BFAR: variants seen among roughly 807,000 people sequenced by gnomAD.
The protein encoded by BFAR is RING finger protein 47.
A neutral mutation model predicts 54.4 loss-of-function variants in BFAR; 52 were observed. The ratio of observed to expected loss-of-function variants is 0.96; its 90% CI spans 0.77 to 1.21. The LOEUF (loss-of-function observed/expected upper bound fraction) is 1.21. BFAR is among the 50% of genes most tolerant of loss of function. The pLI is 0.00. For synonymous variants in BFAR, 215 were observed against 204.3 expected (o/e 1.05, Z -0.45); for missense variants, 571 against 534.0 (o/e 1.07, Z -0.68).
intron 5 of BFAR, among the ~76,000 whole-genome samples, chr16:14,658,792 ACTT>A (rs936716869): frequency 1.4e-4 from 22 of 151,962 alleles, no homozygotes; most frequent in Non-Finnish European, 2.1e-4. Flanking sequence ...TGCCTAAGTA[ACTT>A]CTTCTTCACT....
intron 1 of BFAR, among the ~76,000 whole-genome samples, chr16:14,635,891 A>C (rs1456872577): frequency 1.3e-5 from 2 of 152,016 alleles, no homozygotes; most frequent in Non-Finnish European, 2.9e-5. Flanking sequence ...CGGCCTCCCA[A>C]AGTGGTGGGA....
intron 4 of BFAR, among the ~76,000 whole-genome samples, chr16:14,654,104 C>T (rs569572723): frequency 4.7e-5 from 7 of 148,462 alleles, no homozygotes; most frequent in East Asian, 2.0e-4. Context: ...CTCCGCCTTC[C>T]GGGTTCACGC....
In BFAR at chr16:14,649,841, C is replaced by A; in HGVS notation, c.506C>A (p.Ser169Tyr). The A allele has an allele frequency of 6.2e-7, 1 of 1,610,844 alleles. No individual in the cohort carries two copies. Among genetic ancestry groups the A allele is most frequent in the Non-Finnish European group, 8.5e-7 (1 of 1,178,198 alleles). The change falls in exon 4 of 8, where the codon TCT becomes TAT. Residue 169 changes from serine to tyrosine, a missense_variant. Transcript: ENST00000261658. ...LLVYHWSSRE[S>Y]EHDLLVHKAV... ...GTCTATCACTGGAGCAGCAGGGAAT[C>A]TGAACACGACCTCCTGGTCCACAAG... is the stretch of plus-strand genomic sequence containing the variant.
intron 1 of BFAR, among the ~76,000 whole-genome samples, chr16:14,633,861 C>T (rs996739699): frequency 6.6e-6 from 1 of 152,150 alleles, no homozygotes; most frequent in Non-Finnish European, 1.5e-5. Flanking sequence ...CCATGTTGGT[C>T]AGACTGTTCT....
In BFAR at chr16:14,649,976, G is replaced by A. The variant is rs1003028730; in HGVS notation, c.638+3G>A. On this transcript the variant is annotated splice_donor_region_variant and intron_variant, in intron 4 of 7. Coordinates refer to ENST00000261658, the MANE Select transcript of BFAR (RefSeq NM_016561.3). ...TTATCTGAACGAGTAAATGGAAGGT[G>A]AGGAGCAAAGTCTTCTGACACACCG... The A allele has an allele frequency of 6.2e-7, 1 of 1,604,024 alleles. No homozygotes were observed. The highest frequency in any genetic ancestry group is 8.5e-7 in the Non-Finnish European group (1 of 1,173,882).
At chr16:14,648,350 A>G (rs1280179945) in intron 2 of BFAR, 38 bp from the exon 3 acceptor site, 1 of 1,537,570 alleles carries the variant, frequency 6.5e-7, no homozygotes, top group Non-Finnish European at 9.0e-7. Flanking sequence ...ATATTTAGTC[A>G]AACAACTGTC....
intron 2 of BFAR, among the ~76,000 whole-genome samples, chr16:14,648,084 A>G (rs1286230613): frequency 6.6e-6 from 1 of 152,066 alleles, no homozygotes; most frequent in Admixed American, 6.6e-5. Flanking sequence ...TACTAAAAAT[A>G]CAAAAAAAAA....
At position 14,667,783 on chromosome 16, in the gene BFAR, CT is replaced by C; in HGVS notation, c.1311del (p.Val438TrpfsTer20). The part of the protein sequence containing the change: ...LYFNPIINID[L>X]VVKELRRLET... ...CTTTAACCCAATTATTAACATTGATCTTGTGGTCAAGGAACTCCGGCGGCTG... is the reference window on the plus strand; with the variant it reads ...CTTTAACCCAATTATTAACATTGATCTGTGGTCAAGGAACTCCGGCGGCTG... On this transcript the variant is annotated frameshift_variant, in exon 8 of 8. Coordinates refer to ENST00000261658, the MANE Select transcript of BFAR (RefSeq NM_016561.3). LOFTEE classifies it high-confidence loss of function. 1 of 1,614,144 alleles carries C rather than the reference CT, an allele frequency of 6.2e-7. No homozygotes were observed. The highest frequency in any genetic ancestry group is 8.5e-7 in the Non-Finnish European group (1 of 1,180,036).
Position 14,655,074 on chromosome 16 carries a change from T to C in BFAR, c.647T>C (p.Leu216Ser). 1 of 1,605,568 alleles carries C rather than the reference T, an allele frequency of 6.2e-7. No individual in the cohort carries two copies. The highest frequency in any genetic ancestry group is 1.1e-5 in the South Asian group (1 of 89,180). The change falls in exon 5 of 8, where the codon TTA becomes TCA. Residue 216 changes from leucine to serine, a missense_variant. Leu to Ser is a moderately radical substitution (Grantham distance 145). Transcript: ENST00000261658. The part of the protein sequence containing the change: ...LSERVNGRLL[L>S]TLTEEEFSKT... ...CTCCTGCCCCTCTACAGGTTGCTTT[T>C]AACTTTGACAGAGGAAGAATTTTCC...
intron 1 of BFAR, among the ~76,000 whole-genome samples, chr16:14,637,683 G>A (rs1291060272): frequency 6.6e-6 from 1 of 152,082 alleles, no homozygotes; most frequent in Non-Finnish European, 1.5e-5. Flanking sequence ...GAAAAATTTA[G>A]CCAGGCATGG....
rs529703465 is a variant in BFAR, at chr16:14,661,548, A to G, written c.784-344A>G. 3.9e-5 allele frequency among the ~76,000 whole-genome samples: 6 copies of G among 151,908 alleles called. 1 individual carries two copies. In the South Asian group the frequency reaches 1.2e-3, roughly 32 times the overall value. On this transcript the variant is annotated intron_variant, in intron 5 of 7. Transcript: ENST00000261658. ...TCCTGAGTAGCTGGGACTACAGGGC[A>G]TGAGCCACCATGCCCAGCTAATTTT... is the stretch of plus-strand genomic sequence containing the variant.
intron 5 of BFAR, among the ~76,000 whole-genome samples, chr16:14,660,332 G>A (rs1485107834): frequency 2.6e-5 from 4 of 151,926 alleles, no homozygotes; most frequent in South Asian, 2.1e-4. Flanking sequence ...TGTTGCCCAC[G>A]CTGGATTTCA....
At chr16:14,636,485 C>T (rs985744217) in intron 1 of BFAR, among the ~76,000 whole-genome samples, 3 of 152,256 alleles carry the variant, frequency 2.0e-5, no homozygotes, top group African/African-American at 7.2e-5. Flanking sequence ...CAATGCCTTA[C>T]AGAGCGGTAT....
In BFAR at chr16:14,644,460, C is replaced by T. The variant is rs148640521; in HGVS notation, c.114C>T (p.Tyr38=). The T allele has an allele frequency of 3.1e-6, 5 of 1,614,086 alleles. No homozygotes were observed. The highest frequency in any genetic ancestry group is 1.6e-4 in the Middle Eastern group (1 of 6,062). ...SVSEFSCHCC[Y]DILVNPTTLN... is the part of the protein sequence containing the mutation. Reference sequence around the variant, plus strand: ...GTGAATTTTCTTGCCACTGCTGCTACGACATCCTGGTTAACCCCACCACCT... The same window carrying T: ...GTGAATTTTCTTGCCACTGCTGCTATGACATCCTGGTTAACCCCACCACCT... The change falls in exon 2 of 8, where the codon TAC becomes TAT. Residue 38 remains tyrosine (Y), a synonymous_variant. Coordinates refer to ENST00000261658, the MANE Select transcript of BFAR (RefSeq NM_016561.3).
Position 14,644,354 on chromosome 16 carries a change from A to G in BFAR, c.8A>G (p.Glu3Gly). The change falls in exon 2 of 8, where the codon GAA becomes GGA. Residue 3 changes from glutamate to glycine, a missense_variant. Physicochemically the swap from Glu to Gly is moderately conservative, Grantham distance 98. Transcript: ENST00000261658. The part of the protein sequence containing the change: ME[E>G]PQKSYVNTMD... ...CCCAGAATTTGCTAAGAGATGGAGG[A>G]ACCTCAGAAAAGCTATGTGAACACA... 1 of 1,612,708 alleles carries G rather than the reference A, an allele frequency of 6.2e-7. No homozygotes were observed. Among genetic ancestry groups the G allele is most frequent in the Non-Finnish European group, 8.5e-7 (1 of 1,179,042 alleles).
At chr16:14,665,329 G>T (rs751998483) in intron 7 of BFAR, 8 of 475,426 alleles carry the variant, frequency 1.7e-5, no homozygotes, top group African/African-American at 7.9e-5. Context: ...TTAATTTCAG[G>T]GGGAGGGGGG....
At chr16:14,639,928 G>A (rs1395235093) in intron 1 of BFAR, among the ~76,000 whole-genome samples, 1 of 151,978 alleles carries the variant, frequency 6.6e-6, no homozygotes, top group African/African-American at 2.4e-5. Flanking sequence ...GGAGGTCGCG[G>A]TAGGCAGATT....
chr16:14,661,857 G>T (rs1022055157), intron 5 of BFAR, 35 bp from the exon 6 acceptor site: 1 of 1,608,286 alleles, frequency 6.2e-7, no homozygotes, highest in Non-Finnish European at 8.5e-7. Flanking sequence ...GGCCGCCATG[G>T]TTGTAATGTG....
intron 4 of BFAR, chr16:14,650,442 G>C (rs1444603874): frequency 1.3e-5 from 2 of 152,418 alleles, no homozygotes; most frequent in African/African-American, 4.8e-5. Flanking sequence ...GCTGGTTTTA[G>C]AACATTTTCA....
Sources: allele counts gnomAD v4.1 joint callset (sites outside exome capture counted in the v4.1 genomes callset), GRCh38; gene constraint gnomAD v4.1.1; transcripts MANE v1.5; gene names NCBI Gene and HGNC (gene_info 2026-07-23, HGNC 2026-07-21).